The following SEMA6D variants were observed in gnomAD, a reference collection of about 807,000 sequenced individuals.
SEMA6D encodes the protein semaphorin 6D.
Under a neutral mutation model 106.6 loss-of-function variants are expected in SEMA6D, and 35 were observed. The observed-to-expected ratio is 0.33, with a 90% CI of 0.25 to 0.44. The LOEUF (loss-of-function observed/expected upper bound fraction) is 0.44. Among genes scored for constraint, SEMA6D ranks in the 20% least tolerant of loss-of-function variants. The pLI is 1.00. For synonymous variants in SEMA6D, 499 were observed against 487.7 expected, an observed-to-expected ratio of 1.02 and a Z score of -0.31; for missense variants, 1,185 against 1,345.9, an observed-to-expected ratio of 0.88 and a Z score of 1.87.
chr15:47,602,742 C>A (rs2076689600), intron 4 of SEMA6D, among the ~76,000 whole-genome samples: 1 of 152,088 alleles, frequency 6.6e-6, no homozygotes, highest in Non-Finnish European at 1.5e-5. Context: ...TCATCTTGTT[C>A]CAGTTGTAAA....
At chr15:47,599,824 T>G (rs16959739) in intron 3 of SEMA6D, among the ~76,000 whole-genome samples, 16,731 of 152,090 alleles carry the variant, frequency 0.11, 1,618 homozygotes, top group African/African-American at 0.26. Context: ...ATTTTGCCCA[T>G]TAAGAAAGAG....
chr15:47,575,532 A>G (rs1168946024), intron 3 of SEMA6D, among the ~76,000 whole-genome samples: 1 of 152,152 alleles, frequency 6.6e-6, no homozygotes, highest in Non-Finnish European at 1.5e-5. Context: ...ATCCTGGCTA[A>G]CACAATGAAA....
chr15:47,353,199 AATT>A (rs2038397572), intron 1 of SEMA6D, among the ~76,000 whole-genome samples: 1 of 152,216 alleles, frequency 6.6e-6, no homozygotes, highest in South Asian at 2.1e-4. Flanking sequence ...TATGATGGTG[AATT>A]ACACTGACAT....
At position 47,285,215 on chromosome 15, in the gene SEMA6D, A is replaced by T. The variant is rs534206297; in HGVS notation, c.-239+100797A>T. Reference sequence around the variant, plus strand: ...TATTCTGTGTAGTTTAAACATTCCTATTTTCTGCCTTTCCCCCACTCTGTC... The same window carrying T: ...TATTCTGTGTAGTTTAAACATTCCTTTTTTCTGCCTTTCCCCCACTCTGTC... On this transcript the variant is annotated intron_variant, in intron 1 of 19. Transcript: ENST00000558014. Among the ~76,000 whole-genome samples the T allele has an allele frequency of 4.6e-5, 7 of 151,352 alleles. 1 individual carries two copies. The highest frequency in any genetic ancestry group is 6.8e-3 in the Middle Eastern group (2 of 292).
intron 1 of SEMA6D, among the ~76,000 whole-genome samples, chr15:47,254,889 G>T (rs954688931): frequency 4.6e-5 from 7 of 150,876 alleles, no homozygotes; most frequent in African/African-American, 1.7e-4. Context: ...GTGTGTGTGT[G>T]TGTGTGTGTG....
At chr15:47,676,076 G>A (rs1252166744) in intron 4 of SEMA6D, among the ~76,000 whole-genome samples, 5 of 152,080 alleles carry the variant, frequency 3.3e-5, no homozygotes, top group Non-Finnish European at 5.9e-5. Flanking sequence ...CTCTGCAGTC[G>A]GCTCCAGCAA....
chr15:47,749,452 C>T lies in SEMA6D; in HGVS notation c.-54-10293C>T, dbSNP rs545225108. Among the ~76,000 whole-genome samples the T allele has an allele frequency of 9.9e-5, 15 of 151,858 alleles. No homozygotes were observed. In the South Asian group the frequency reaches 1.9e-3, roughly 19 times the overall value. ...TATATAGGTTATCTCATTCAGTAAT[C>T]GTAATAATATTAGTAATATTATTAT... On this transcript the variant is annotated intron_variant, in intron 1 of 18. Transcript: ENST00000536845.
intron 3 of SEMA6D, among the ~76,000 whole-genome samples, chr15:47,551,689 G>GTGTGTGTGTGTGTGTA (rs976583976): frequency 6.6e-6 from 1 of 151,786 alleles, no homozygotes; most frequent in African/African-American, 2.4e-5. Context: ...GTGTGTGTGT[G>GTGTGTGTGTGTGTGTA]TGTGTGTGTG....
chr15:47,696,104 GCTTCCTTGAC>G (rs1182985734), intron 4 of SEMA6D, among the ~76,000 whole-genome samples: 1 of 152,054 alleles, frequency 6.6e-6, no homozygotes, highest in East Asian at 1.9e-4. Context: ...CCCTTAACGC[GCTTCCTTGAC>G]CTAAGTTGAT....
chr15:47,185,212 G>A (rs956462491), intron 1 of SEMA6D, among the ~76,000 whole-genome samples: 7 of 152,212 alleles, frequency 4.6e-5, no homozygotes, highest in African/African-American at 1.7e-4. Context: ...GGTCAAGGCT[G>A]CCGGGAGGGA....
intron 4 of SEMA6D, among the ~76,000 whole-genome samples, chr15:47,699,008 G>T (rs4775702): frequency 0.14 from 21,184 of 152,132 alleles, 1,734 homozygotes; most frequent in South Asian, 0.18. Flanking sequence ...CAGGCAAAGA[G>T]AAGTGACTGA....
At chr15:47,704,957 T>G (rs564876644) in intron 4 of SEMA6D, among the ~76,000 whole-genome samples, 1 of 152,200 alleles carries the variant, frequency 6.6e-6, no homozygotes, top group Non-Finnish European at 1.5e-5. Flanking sequence ...AAAGTTTTTT[T>G]TAAAAAAGGT....
intron 4 of SEMA6D, among the ~76,000 whole-genome samples, chr15:47,679,071 C>T (rs1454110472): frequency 1.3e-5 from 2 of 152,026 alleles, no homozygotes; most frequent in South Asian, 4.2e-4. Flanking sequence ...AAAATATGTC[C>T]GATGTTATAC....
intron 4 of SEMA6D, among the ~76,000 whole-genome samples, chr15:47,701,975 C>T (rs758457640): frequency 3.9e-5 from 6 of 152,212 alleles, no homozygotes; most frequent in Non-Finnish European, 8.8e-5. Flanking sequence ...AAGTGGCCCA[C>T]TGCGGTCAAA....
intron 1 of SEMA6D, among the ~76,000 whole-genome samples, chr15:47,717,969 C>T (rs553555826): frequency 5.2e-4 from 79 of 152,080 alleles, no homozygotes; most frequent in Non-Finnish European, 9.4e-4. Context: ...TTGGCGGACG[C>T]GTCAAAACTG....
intron 4 of SEMA6D, among the ~76,000 whole-genome samples, chr15:47,655,695 C>A (rs2077779153): frequency 6.6e-6 from 1 of 152,114 alleles, no homozygotes; most frequent in African/African-American, 2.4e-5. Context: ...GTTCTTGAAG[C>A]TCTCTATTAA....
rs568278043 is a variant in SEMA6D at position 47,449,249 on chromosome 15, G to A, written c.-158-21225G>A. On this transcript the variant is annotated intron_variant, in intron 2 of 19. Coordinates refer to the SEMA6D transcript ENST00000558014. ...TAAGCTTTACCAATATTCAATATAT[G>A]TAGCTTAAGAGTTGAAAATAAATAT... 7.2e-5 allele frequency among the ~76,000 whole-genome samples: 11 copies of A among 152,190 alleles called. 1 individual carries two copies. In the South Asian group the frequency reaches 1.7e-3, roughly 23 times the overall value.
At chr15:47,536,222 C>G (rs1253633439) in intron 3 of SEMA6D, among the ~76,000 whole-genome samples, 1 of 152,124 alleles carries the variant, frequency 6.6e-6, no homozygotes, top group Non-Finnish European at 1.5e-5. Context: ...CAGCAATGTA[C>G]CATTACATTA....
chr15:47,642,103 A>G (rs1468983402), intron 4 of SEMA6D, among the ~76,000 whole-genome samples: 1 of 152,176 alleles, frequency 6.6e-6, no homozygotes, highest in African/African-American at 2.4e-5. Flanking sequence ...AGCCCACCTA[A>G]CTTAATGATA....
Sources: gnomAD v4.1 joint callset for allele counts (sites outside exome capture counted in the v4.1 genomes callset) on GRCh38, gnomAD v4.1.1 for gene constraint, MANE v1.5 for transcripts, NCBI Gene and HGNC (gene_info 2026-07-23, HGNC 2026-07-21) for gene names.